Variants in CNTN4 observed in about 807,000 individuals in gnomAD.
The protein encoded by CNTN4 is contactin 4.
Under a neutral mutation model 122.5 loss-of-function variants are expected in CNTN4, and 77 were observed. That is an observed-to-expected ratio of 0.63 (90% CI 0.52 to 0.76). The LOEUF is 0.76. CNTN4 is among the 30% of genes least tolerant of loss of function. CNTN4 has a pLI of 0.00. For synonymous variants in CNTN4, 512 were observed against 447.0 expected, an observed-to-expected ratio of 1.15 and a Z score of -1.83; for missense variants, 1,256 against 1,259.1, an observed-to-expected ratio of 1.00 and a Z score of 0.04.
At chr3:2,293,672 A>G (rs141921236) in intron 2 of CNTN4, among the ~76,000 whole-genome samples, 2 of 152,328 alleles carry the variant, frequency 1.3e-5, no homozygotes, top group East Asian at 1.9e-4. Flanking sequence ...ATTACTTTAT[A>G]TCTTTCTTAC....
intron 3 of CNTN4, among the ~76,000 whole-genome samples, chr3:2,432,787 G>T (rs2048124170): frequency 6.7e-6 from 1 of 149,898 alleles, no homozygotes. Context: ...GAACGTGGTA[G>T]TGCAGATATG....
chr3:3,050,491 C>T (rs116562358), intron 23 of CNTN4, among the ~76,000 whole-genome samples: 3,277 of 151,912 alleles, frequency 0.022, 111 homozygotes, highest in African/African-American at 0.073. Flanking sequence ...AGGCCGGGCA[C>T]GGTGGCTCAC....
At chr3:2,724,938 G>A (rs551145195) in intron 4 of CNTN4, among the ~76,000 whole-genome samples, 207 of 152,024 alleles carry the variant, frequency 1.4e-3, no homozygotes, top group African/African-American at 4.7e-3. Flanking sequence ...GGAAAGAAAC[G>A]GTGGTTTCTC....
At chr3:2,916,854 G>C (rs565967310) in intron 12 of CNTN4, among the ~76,000 whole-genome samples, 5 of 151,250 alleles carry the variant, frequency 3.3e-5, no homozygotes, top group African/African-American at 1.2e-4. Flanking sequence ...GGGGCAGCCA[G>C]GCAGAGGTGG....
At chr3:2,467,809 T>C (rs1358585543) in intron 3 of CNTN4, among the ~76,000 whole-genome samples, 1 of 152,218 alleles carries the variant, frequency 6.6e-6, no homozygotes, top group East Asian at 1.9e-4. Context: ...TGCAGTGTCC[T>C]GGTCCCTCCT....
At chr3:2,609,442 C>CATG (rs2081390896) in intron 4 of CNTN4, among the ~76,000 whole-genome samples, 1 of 152,126 alleles carries the variant, frequency 6.6e-6, no homozygotes, top group Non-Finnish European at 1.5e-5. Flanking sequence ...GAAATAAATT[C>CATG]ATGTTGTTTA....
At chr3:2,675,192 C>T (rs1412431729) in intron 4 of CNTN4, among the ~76,000 whole-genome samples, 1 of 151,546 alleles carries the variant, frequency 6.6e-6, no homozygotes, top group African/African-American at 2.4e-5. Flanking sequence ...TAAAAGTTGT[C>T]TTCCCTACAT....
intron 2 of CNTN4, among the ~76,000 whole-genome samples, chr3:2,329,251 A>G (rs1559458093): frequency 6.6e-6 from 1 of 152,206 alleles, no homozygotes; most frequent in Non-Finnish European, 1.5e-5. Context: ...TCTATATTTC[A>G]TGGCTGAAAT....
chr3:2,934,851 C>T (rs2094554336), intron 13 of CNTN4, among the ~76,000 whole-genome samples: 4 of 152,186 alleles, frequency 2.6e-5, no homozygotes, highest in Admixed American at 2.6e-4. Flanking sequence ...AATCTGCTGC[C>T]CTGCTTATTG....
At chr3:2,474,237 CT>C (rs1487168541) in intron 3 of CNTN4, among the ~76,000 whole-genome samples, 1 of 152,148 alleles carries the variant, frequency 6.6e-6, no homozygotes, top group Non-Finnish European at 1.5e-5. Flanking sequence ...GGTTTTTAGT[CT>C]CTACCCTCCA....
chr3:2,374,306 G>T (rs1205445196), intron 3 of CNTN4, among the ~76,000 whole-genome samples: 1 of 152,286 alleles, frequency 6.6e-6, no homozygotes, highest in South Asian at 2.1e-4. Flanking sequence ...AGGTTACCCA[G>T]CTCCCTTAAA....
intron 4 of CNTN4, among the ~76,000 whole-genome samples, chr3:2,714,481 CA>C (rs1384329668): frequency 6.6e-6 from 1 of 151,880 alleles, no homozygotes; most frequent in Non-Finnish European, 1.5e-5. Context: ...GATGCTATGC[CA>C]AAAAAGAACC....
At chr3:2,758,581 C>T (rs2090446717) in intron 6 of CNTN4, among the ~76,000 whole-genome samples, 3 of 139,562 alleles carry the variant, frequency 2.1e-5, no homozygotes, top group Non-Finnish European at 4.5e-5. Context: ...GGCGGGATCT[C>T]GGCTCACCTC....
At chr3:2,934,274 T>A (rs1432201278) in intron 13 of CNTN4, among the ~76,000 whole-genome samples, 1 of 152,344 alleles carries the variant, frequency 6.6e-6, no homozygotes, top group East Asian at 1.9e-4. Flanking sequence ...AGATCAAGTC[T>A]AGCATTCTGT....
At chr3:2,139,184 G>A (rs996940417) in intron 2 of CNTN4, among the ~76,000 whole-genome samples, 1 of 152,032 alleles carries the variant, frequency 6.6e-6, no homozygotes, top group Non-Finnish European at 1.5e-5. Context: ...TAGTATATTT[G>A]TAATGTTTTC....
At chr3:2,388,652 C>T (rs1040085026) in intron 3 of CNTN4, among the ~76,000 whole-genome samples, 4 of 151,976 alleles carry the variant, frequency 2.6e-5, no homozygotes, top group Admixed American at 6.6e-5. Flanking sequence ...TAAGACCAAC[C>T]GGGCCAATGT....
chr3:2,796,202 CTTATACCAACTGAAGTTGGTAGCTT>C (rs1397270522), intron 6 of CNTN4, among the ~76,000 whole-genome samples: 1 of 152,080 alleles, frequency 6.6e-6, no homozygotes, highest in Non-Finnish European at 1.5e-5. Flanking sequence ...TACACTATAA[CTTATACCAACTGAAGTTGGTAGCTT>C]TTACCTTCCT....
chr3:2,122,768 A>G (rs2033886622), intron 2 of CNTN4, among the ~76,000 whole-genome samples: 1 of 152,204 alleles, frequency 6.6e-6, no homozygotes, highest in African/African-American at 2.4e-5. Flanking sequence ...GCTCCTTAGC[A>G]ATTAATAGAC....
intron 4 of CNTN4, among the ~76,000 whole-genome samples, chr3:2,661,260 A>G (rs529531708): frequency 6.6e-6 from 1 of 152,184 alleles, no homozygotes; most frequent in African/African-American, 2.4e-5. Context: ...AATATCCCAA[A>G]GCCAGGCAGC....
Sources: gnomAD v4.1 joint callset for allele counts (sites outside exome capture counted in the v4.1 genomes callset) on GRCh38, gnomAD v4.1.1 for gene constraint, MANE v1.5 for transcripts, NCBI Gene and HGNC (gene_info 2026-07-23, HGNC 2026-07-21) for gene names.